The following IL1RAPL1 variants were observed in gnomAD, a reference collection of about 807,000 sequenced individuals.
IL1RAPL1 encodes the protein interleukin-1 receptor accessory protein-like 1.
Under a neutral mutation model 48.4 loss-of-function variants are expected in IL1RAPL1, and 3 were observed. The ratio of observed to expected loss-of-function variants is 0.06; its 90% CI spans 0.03 to 0.16. IL1RAPL1 has a LOEUF of 0.16. IL1RAPL1 is among the 10% of genes least tolerant of loss of function. The pLI is 1.00. For synonymous variants in IL1RAPL1, 185 were observed against 187.7 expected, an observed-to-expected ratio of 0.99 and a Z score of 0.12; for missense variants, 349 against 530.6, an observed-to-expected ratio of 0.66 and a Z score of 3.36.
chrX:29,441,828 A>G (rs775020986), intron 5 of IL1RAPL1, among the ~76,000 whole-genome samples: 115 of 112,093 alleles, frequency 1.0e-3, no homozygotes, highest in Non-Finnish European at 1.7e-3. Context: ...TTATTTCAGC[A>G]TTTTATATAT....
chrX:28,996,753 C>A (rs906277663), intron 2 of IL1RAPL1, among the ~76,000 whole-genome samples: 3 of 110,858 alleles, frequency 2.7e-5, no homozygotes, highest in Non-Finnish European at 1.9e-5. Context: ...AGCTTTTTCA[C>A]AATCTGATTG....
intron 8 of IL1RAPL1, among the ~76,000 whole-genome samples, chrX:29,933,657 C>CAAAAAAAAAAAAAAAAAAAAGAA (rs1217616087): frequency 2.9e-5 from 1 of 34,117 alleles, no homozygotes. Flanking sequence ...ACAAAATAGA[C>CAAAAAAAAAAAAAAAAAAAAGAA]AAAAAAAAAA....
At chrX:28,841,287 G>A (rs1038039169) in intron 2 of IL1RAPL1, among the ~76,000 whole-genome samples, 7 of 110,465 alleles carry the variant, frequency 6.3e-5, no homozygotes, top group African/African-American at 1.6e-4. Flanking sequence ...ATACCATAAT[G>A]CATAACTTAG....
At chrX:28,759,825 T>A (rs1277152459) in intron 1 of IL1RAPL1, among the ~76,000 whole-genome samples, 1 of 111,400 alleles carries the variant, frequency 9.0e-6, no homozygotes, top group Non-Finnish European at 1.9e-5. Context: ...GAACCACTGC[T>A]AAATCTTGGT....
intron 5 of IL1RAPL1, among the ~76,000 whole-genome samples, chrX:29,653,901 CTTAT>C (rs535604223): frequency 0.017 from 1,609 of 93,452 alleles, 23 homozygotes; most frequent in African/African-American, 0.052. Context: ...AATTAGGGCT[CTTAT>C]TTATTTATTT....
At chrX:29,451,792 A>G (rs962866187) in intron 5 of IL1RAPL1, among the ~76,000 whole-genome samples, 1 of 111,999 alleles carries the variant, frequency 8.9e-6, no homozygotes, top group African/African-American at 3.2e-5. Context: ...GTCATTCCTC[A>G]GAACAAAACA....
intron 2 of IL1RAPL1, among the ~76,000 whole-genome samples, chrX:28,882,669 A>G (rs937708537): frequency 1.8e-5 from 2 of 111,946 alleles, no homozygotes; most frequent in African/African-American, 6.5e-5. Context: ...AAAAAAAAGG[A>G]GAAATTAAGA....
chrX:29,466,891 G>A (rs1018835976), intron 5 of IL1RAPL1, among the ~76,000 whole-genome samples: 5 of 111,520 alleles, frequency 4.5e-5, no homozygotes, highest in African/African-American at 1.6e-4. Flanking sequence ...ACCTAGAGTA[G>A]TATTTCTTAA....
At chrX:29,638,591 A>G (rs938524298) in intron 5 of IL1RAPL1, among the ~76,000 whole-genome samples, 1 of 111,878 alleles carries the variant, frequency 8.9e-6, no homozygotes, top group East Asian at 2.8e-4. Context: ...GACAGTTATC[A>G]GAGTTTGTTC....
chrX:29,036,828 G>A (rs760672909), intron 2 of IL1RAPL1, among the ~76,000 whole-genome samples: 2 of 111,305 alleles, frequency 1.8e-5, no homozygotes, highest in South Asian at 7.5e-4. Context: ...GTGCTAATGT[G>A]CATTCTGATG....
intron 5 of IL1RAPL1, among the ~76,000 whole-genome samples, chrX:29,640,897 G>T (rs777870502): frequency 2.6e-4 from 29 of 112,183 alleles, no homozygotes; most frequent in African/African-American, 9.1e-4. Flanking sequence ...AGATGCAGTG[G>T]CTCACACCTG....
At chrX:29,851,037 C>G (rs1243291557) in intron 6 of IL1RAPL1, among the ~76,000 whole-genome samples, 1 of 111,576 alleles carries the variant, frequency 9.0e-6, no homozygotes, top group African/African-American at 3.3e-5. Flanking sequence ...CCATGTTCAC[C>G]TTTAAGTCAG....
intron 5 of IL1RAPL1, among the ~76,000 whole-genome samples, chrX:29,475,494 G>A (rs890625467): frequency 1.8e-5 from 2 of 112,070 alleles, no homozygotes; most frequent in Admixed American, 1.9e-4. Context: ...CTGTGAGCCT[G>A]TAGATAAGGC....
At chrX:29,302,783 A>G (rs1409070323) in intron 3 of IL1RAPL1, among the ~76,000 whole-genome samples, 5 of 111,890 alleles carry the variant, frequency 4.5e-5, no homozygotes, top group Admixed American at 3.8e-4. Context: ...GCATCTAACT[A>G]CAGGGTTGTC....
chrX:29,514,690 C>T, intron 5 of IL1RAPL1, among the ~76,000 whole-genome samples: 1 of 112,634 alleles, frequency 8.9e-6, no homozygotes, highest in Non-Finnish European at 1.9e-5. Context: ...CTTGAGTGAT[C>T]CGCCTGCCTT....
chrX:29,772,660 A>C (rs942566409), intron 6 of IL1RAPL1, among the ~76,000 whole-genome samples: 8 of 112,483 alleles, frequency 7.1e-5, no homozygotes, highest in African/African-American at 2.6e-4. Context: ...TTTGTACAAG[A>C]CAATGGGTAG....
chrX:29,889,071 T>C (rs769059597), intron 6 of IL1RAPL1, among the ~76,000 whole-genome samples: 1 of 112,190 alleles, frequency 8.9e-6, no homozygotes, highest in South Asian at 3.7e-4. Flanking sequence ...ATGCTTATAA[T>C]TTTTTCTATA....
intron 1 of IL1RAPL1, among the ~76,000 whole-genome samples, chrX:28,683,401 A>G (rs1935082013): frequency 9.0e-6 from 1 of 111,470 alleles, no homozygotes; most frequent in African/African-American, 3.3e-5. Context: ...GATGGGAAAA[A>G]AGAAAGAAAG....
intron 5 of IL1RAPL1, among the ~76,000 whole-genome samples, chrX:29,433,609 C>A (rs957721095): frequency 1.8e-5 from 2 of 111,122 alleles, no homozygotes; most frequent in African/African-American, 6.5e-5. Flanking sequence ...AATATACATT[C>A]TTTCATATAC....
Sources: allele counts gnomAD v4.1 joint callset (sites outside exome capture counted in the v4.1 genomes callset), GRCh38; gene constraint gnomAD v4.1.1; transcripts MANE v1.5; gene names NCBI Gene and HGNC (gene_info 2026-07-23, HGNC 2026-07-21).